Variants in TRAPPC11 observed in about 807,000 individuals in gnomAD.
TRAPPC11 encodes the protein trafficking protein particle complex subunit 11.
A neutral mutation model predicts 151.2 loss-of-function variants in TRAPPC11; 104 were observed. That is an observed-to-expected ratio of 0.69 (90% CI 0.59 to 0.81). The LOEUF (loss-of-function observed/expected upper bound fraction) is 0.81. Among genes scored for constraint, TRAPPC11 ranks in the 30% least tolerant of loss-of-function variants. The pLI, the probability that TRAPPC11 is intolerant of heterozygous loss-of-function variation, is 0.00. For synonymous variants in TRAPPC11, 456 were observed against 472.3 expected (o/e 0.97, Z 0.45); for missense variants, 1,230 against 1,349.6 (o/e 0.91, Z 1.39).
At chr4:183,690,904 G>C (rs981368419) in intron 18 of TRAPPC11, among the ~76,000 whole-genome samples, 1 of 152,160 alleles carries the variant, frequency 6.6e-6, no homozygotes, top group Admixed American at 6.5e-5. Flanking sequence ...AAAGGTTGAG[G>C]CTACAGTGAG....
At chr4:183,709,129 C>G (rs2111107120) in intron 29 of TRAPPC11, among the ~76,000 whole-genome samples, 1 of 152,214 alleles carries the variant, frequency 6.6e-6, no homozygotes, top group Middle Eastern at 3.4e-3. Context: ...CTCCCTGATA[C>G]CTAAATAAGA....
At chr4:183,699,917 C>T (rs1007346266) in intron 25 of TRAPPC11, among the ~76,000 whole-genome samples, 13 of 151,984 alleles carry the variant, frequency 8.6e-5, no homozygotes, top group South Asian at 2.1e-4. Context: ...CTCTGCCTCC[C>T]GGGTTCATGC....
At position 183,697,548 on chromosome 4, in the gene TRAPPC11, G is replaced by A. The variant is rs369077324; in HGVS notation, c.2674G>A (p.Val892Ile). Residue 892 changes from valine to isoleucine, a missense_variant, in exon 24 of 30, where the codon GTT becomes ATT. By Grantham distance (29) the Val-to-Ile change is conservative. Transcript: ENST00000334690. ...AACAGTCTTTCCATTTGATGTTGCG[G>A]TTAAATTTGTTTCTACCAAGGTATG... is the stretch of plus-strand genomic sequence containing the variant. ...IETVFPFDVA[V>I]KFVSTKFEHL... is the part of the protein sequence containing the mutation. 6.9e-6 allele frequency: 11 copies of A among 1,603,506 alleles called. No homozygotes were observed. The African/African-American group carries it at 1.5e-4, about 22-fold the overall frequency.
At chr4:183,682,670 G>T (rs1735755687) in intron 10 of TRAPPC11, 62 bp from the exon 11 acceptor site, 1 of 1,110,954 alleles carries the variant, frequency 9.0e-7, no homozygotes, top group Non-Finnish European at 1.3e-6. Flanking sequence ...CAAAGGTTGG[G>T]CAAGAGTTGA....
chr4:183,695,230 G>A (rs1472592339), intron 23 of TRAPPC11, among the ~76,000 whole-genome samples: 1 of 152,102 alleles, frequency 6.6e-6, no homozygotes, highest in African/African-American at 2.4e-5. Context: ...GATTACAGGC[G>A]TGATCCACTG....
At position 183,708,538 on chromosome 4, in the gene TRAPPC11, G is replaced by T. The variant is rs745774441; in HGVS notation, c.3321G>T (p.Leu1107=). 1.2e-6 allele frequency: 2 copies of T among 1,613,890 alleles called. No homozygotes were observed. Among genetic ancestry groups the T allele is most frequent in the Non-Finnish European group, 8.5e-7 (1 of 1,179,980 alleles). Residue 1107 remains leucine (L), a synonymous_variant, in exon 29 of 30, where the codon CTG becomes CTT. Transcript: ENST00000334690. ...GATTTCCTAACTTCACAAATCAGCTGCTCAGGCGTTTTATACCTACCAGTA... is the reference window on the plus strand; with the variant it reads ...GATTTCCTAACTTCACAAATCAGCTTCTCAGGCGTTTTATACCTACCAGTA... ...LLRFPNFTNQ[L]LRRFIPTSIF...
chr4:183,665,091 CTTTTTTTTTTTT>C (rs66913932), intron 2 of TRAPPC11, among the ~76,000 whole-genome samples: 4 of 106,450 alleles, frequency 3.8e-5, no homozygotes, highest in African/African-American at 1.5e-4. Flanking sequence ...TCTTTTCTTT[CTTTTTTTTTTTT>C]TTTTTTTTTG....
Position 183,684,055 on chromosome 4 carries a change from G to A in TRAPPC11, c.1287+1G>A. 9 of 1,613,476 alleles carry A rather than the reference G, an allele frequency of 5.6e-6. No homozygotes were observed. The highest frequency in any genetic ancestry group is 7.6e-6 in the Non-Finnish European group (9 of 1,179,484). On this transcript the variant is annotated splice_donor_variant, in intron 12 of 29. Coordinates refer to ENST00000334690, the MANE Select transcript of TRAPPC11 (RefSeq NM_021942.6). LOFTEE classifies it high-confidence loss of function. ...GAAGGAGAGAAATGTTGTTCACTCT[G>A]TAAGTTTTGTGTCCAATATAAACTA... is the stretch of plus-strand genomic sequence containing the variant.
rs757191960 is a variant in TRAPPC11, at chr4:183,694,009, C to T, written c.2479C>T (p.Pro827Ser). 6.2e-7 allele frequency: 1 copy of T among 1,613,940 alleles called. No individual in the cohort carries two copies. Among genetic ancestry groups the T allele is most frequent in the Non-Finnish European group, 8.5e-7 (1 of 1,179,842 alleles). ...CTACCCGGCTTTACTCACTGACATT[C>T]CTGTTGGAGACTTACATCCAGGGGA... ...ESYPALLTDI[P>S]VGDLHPGEQL... Residue 827 changes from proline (P) to serine (S), a missense_variant, in exon 22 of 30, where the codon CCT becomes TCT. Physicochemically the swap from Pro to Ser is moderately conservative, Grantham distance 74. Transcript: ENST00000334690.
At chr4:183,704,704 T>G (rs988362923) in intron 26 of TRAPPC11, among the ~76,000 whole-genome samples, 4 of 152,006 alleles carry the variant, frequency 2.6e-5, no homozygotes, top group Non-Finnish European at 5.9e-5. Flanking sequence ...TTCCAGCTAC[T>G]CGGGAGGCTG....
intron 18 of TRAPPC11, among the ~76,000 whole-genome samples, chr4:183,689,708 T>G (rs1736159491): frequency 6.6e-6 from 1 of 150,566 alleles, no homozygotes; most frequent in African/African-American, 2.4e-5. Context: ...CATCTCAGCC[T>G]CAAACTCCTG....
At chr4:183,664,118 G>A in intron 2 of TRAPPC11, 47 bp downstream of exon 2, 1 of 1,244,294 alleles carries the variant, frequency 8.0e-7, no homozygotes, top group Non-Finnish European at 1.1e-6. Flanking sequence ...CTCTCTCTAT[G>A]TGTGTGTGTG....
chr4:183,706,299 G>T (rs1293579462), intron 27 of TRAPPC11, among the ~76,000 whole-genome samples: 1 of 152,146 alleles, frequency 6.6e-6, no homozygotes, highest in African/African-American at 2.4e-5. Flanking sequence ...CAAGGTGGGT[G>T]GATCACGAGG....
At position 183,684,759 on chromosome 4, in the gene TRAPPC11, A is replaced by G; in HGVS notation, c.1485A>G (p.Val495=). 2 of 1,613,966 alleles carry G rather than the reference A, an allele frequency of 1.2e-6. No homozygotes were observed. The highest frequency in any genetic ancestry group is 1.7e-6 in the Non-Finnish European group (2 of 1,179,870). The part of the protein sequence containing the change: ...SEGWWTLLTS[V]LTTALKCSYL... ...GATGGTGGACTCTGCTCACTTCTGT[A>G]TTAACTACAGCTCTGAAGTGCTCCT... The change falls in exon 15 of 30, where the codon GTA becomes GTG. Residue 495 remains valine (V), a synonymous_variant. Coordinates refer to ENST00000334690, the MANE Select transcript of TRAPPC11 (RefSeq NM_021942.6).
chr4:183,661,406 C>G (rs556319476), intron 1 of TRAPPC11, among the ~76,000 whole-genome samples: 1 of 118,492 alleles, frequency 8.4e-6, no homozygotes, highest in Non-Finnish European at 1.6e-5. Context: ...TCTCCTCGCT[C>G]TGTCGCCCAG....
At chr4:183,670,977 G>A (rs377728444) in intron 5 of TRAPPC11, among the ~76,000 whole-genome samples, 9 of 152,046 alleles carry the variant, frequency 5.9e-5, no homozygotes, top group Admixed American at 4.6e-4. Context: ...TGATCCACCC[G>A]TCTCAGCCTC....
chr4:183,710,199 G>A (rs570901613), intron 29 of TRAPPC11, among the ~76,000 whole-genome samples: 1 of 152,196 alleles, frequency 6.6e-6, no homozygotes, highest in African/African-American at 2.4e-5. Context: ...CCTAATCCCA[G>A]CTAATGCTTG....
At chr4:183,679,069 G>A (rs768223521) in intron 8 of TRAPPC11, among the ~76,000 whole-genome samples, 1 of 152,122 alleles carries the variant, frequency 6.6e-6, no homozygotes, top group Non-Finnish European at 1.5e-5. Context: ...CTTCATTGGG[G>A]ATAATTTTTA....
At position 183,712,680 on chromosome 4, in the gene TRAPPC11, T is replaced by A. The variant is rs1260805118; in HGVS notation, c.*36T>A. The A allele has an allele frequency of 2.5e-6, 4 of 1,607,276 alleles. No individual in the cohort carries two copies. Among genetic ancestry groups the A allele is most frequent in the Admixed American group, 1.7e-5 (1 of 60,002 alleles). On this transcript the variant is annotated 3_prime_UTR_variant, in exon 30 of 30. Coordinates refer to ENST00000334690, the MANE Select transcript of TRAPPC11 (RefSeq NM_021942.6). ...CGGCCCTTGGCTGTTGTTACAGAGA[T>A]GTTGGGCAGAGCTATGCAGGTGTTT... is the stretch of plus-strand genomic sequence containing the variant.
Sources: allele counts gnomAD v4.1 joint callset (sites outside exome capture counted in the v4.1 genomes callset), GRCh38; gene constraint gnomAD v4.1.1; transcripts MANE v1.5; gene names NCBI Gene and HGNC (gene_info 2026-07-23, HGNC 2026-07-21).